Variants in EGFR observed in about 807,000 individuals in gnomAD.
EGFR encodes avian erythroblastic leukemia viral (v-erb-b) oncogene homolog.
A neutral mutation model predicts 143.0 loss-of-function variants in EGFR; 58 were observed. The observed-to-expected ratio is 0.41, with a 90% CI of 0.33 to 0.50. The LOEUF is 0.50. Ranked by LOEUF, EGFR falls within the 20% of genes least tolerant of loss-of-function variation. The probability of loss-of-function intolerance (pLI) is 0.39; values close to 1 mark genes in which losing one functional copy is unlikely to be tolerated. For synonymous variants in EGFR, 613 were observed against 594.4 expected, an observed-to-expected ratio of 1.03 and a Z score of -0.45; for missense variants, 1,307 against 1,579.0, an observed-to-expected ratio of 0.83 and a Z score of 2.92.
intron 1 of EGFR, among the ~76,000 whole-genome samples, chr7:55,052,932 G>A (rs747480780): frequency 3.3e-5 from 5 of 152,082 alleles, no homozygotes; most frequent in Non-Finnish European, 5.9e-5. Context: ...CGACTCTCTC[G>A]TGATCTCAGA....
At chr7:55,066,488 C>A (rs967776341) in intron 1 of EGFR, among the ~76,000 whole-genome samples, 1 of 152,212 alleles carries the variant, frequency 6.6e-6, no homozygotes, top group Admixed American at 6.5e-5. Flanking sequence ...ACAAGTAAAT[C>A]AAATATAAAA....
chr7:55,078,064 G>C (rs1387573416), intron 1 of EGFR, among the ~76,000 whole-genome samples: 1 of 152,144 alleles, frequency 6.6e-6, no homozygotes, highest in Non-Finnish European at 1.5e-5. Context: ...TAACGTGCGC[G>C]AGTCAAAGGG....
At chr7:55,131,325 G>A (rs1453949546) in intron 1 of EGFR, among the ~76,000 whole-genome samples, 1 of 150,248 alleles carries the variant, frequency 6.7e-6, no homozygotes, top group African/African-American at 2.5e-5. Context: ...TTTATGACAT[G>A]AACATAAACT....
At chr7:55,176,471 G>A (rs1786594532) in intron 19 of EGFR, among the ~76,000 whole-genome samples, 1 of 152,186 alleles carries the variant, frequency 6.6e-6, no homozygotes, top group Non-Finnish European at 1.5e-5. Flanking sequence ...TGTAATCCCA[G>A]CACTTTGGGA....
At chr7:55,029,317 G>T (rs1787118972) in intron 1 of EGFR, among the ~76,000 whole-genome samples, 1 of 152,142 alleles carries the variant, frequency 6.6e-6, no homozygotes, top group South Asian at 2.1e-4. Flanking sequence ...TATCCTTATA[G>T]ATGTTTCTTG....
At chr7:55,063,767 A>C (rs1280350985) in intron 1 of EGFR, among the ~76,000 whole-genome samples, 2 of 152,236 alleles carry the variant, frequency 1.3e-5, no homozygotes, top group African/African-American at 2.4e-5. Context: ...TATGCTGTTC[A>C]GAAAGGAGGC....
intron 15 of EGFR, chr7:55,170,291 G>A (rs2128950389): frequency 6.2e-7 from 1 of 1,614,102 alleles, no homozygotes; most frequent in East Asian, 2.2e-5. Context: ...AAATGTACTT[G>A]TCCATCTTTC....
At chr7:55,204,272 C>CACAT (rs1390065998) in intron 27 of EGFR, among the ~76,000 whole-genome samples, 1 of 142,448 alleles carries the variant, frequency 7.0e-6, no homozygotes, top group South Asian at 2.3e-4. Context: ...ACACACACCA[C>CACAT]ACATACATAC....
intron 1 of EGFR, among the ~76,000 whole-genome samples, chr7:55,042,696 A>T (rs1787963845): frequency 2.0e-5 from 3 of 152,142 alleles, no homozygotes; most frequent in Admixed American, 2.0e-4. Context: ...ACCAGAAGAC[A>T]TAACATATAG....
chr7:55,039,190 A>G (rs940485373), intron 1 of EGFR, among the ~76,000 whole-genome samples: 11 of 152,230 alleles, frequency 7.2e-5, no homozygotes, highest in African/African-American at 2.7e-4. Flanking sequence ...AGCTCAGAAG[A>G]GCAAATCAGT....
At chr7:55,111,705 G>A (rs1005858904) in intron 1 of EGFR, among the ~76,000 whole-genome samples, 3 of 152,140 alleles carry the variant, frequency 2.0e-5, no homozygotes, top group African/African-American at 7.2e-5. Flanking sequence ...CCTGAGGAGT[G>A]TTTGGATGTT....
chr7:55,145,568 C>T (rs938387354), intron 3 of EGFR, among the ~76,000 whole-genome samples: 3 of 152,180 alleles, frequency 2.0e-5, no homozygotes, highest in Admixed American at 6.5e-5. Context: ...GCTCATTTTC[C>T]TAGCAGCCTC....
intron 22 of EGFR, 120 bp from the exon 23 acceptor site, chr7:55,198,597 C>T: frequency 2.0e-6 from 3 of 1,506,088 alleles, no homozygotes; most frequent in Non-Finnish European, 2.7e-6. Flanking sequence ...TTGCCCAAGA[C>T]TACAGAAATG....
intron 1 of EGFR, among the ~76,000 whole-genome samples, chr7:55,127,764 C>T (rs1388007595): frequency 6.6e-6 from 1 of 152,168 alleles, no homozygotes; most frequent in Non-Finnish European, 1.5e-5. Context: ...CAGTTTTTCC[C>T]TTCTCTGGTT....
At chr7:55,145,404 G>A (rs1486993112) in intron 3 of EGFR, among the ~76,000 whole-genome samples, 1 of 152,174 alleles carries the variant, frequency 6.6e-6, no homozygotes, top group Admixed American at 6.5e-5. Flanking sequence ...CAGCCCTTAT[G>A]ACCCCAAGCT....
intron 1 of EGFR, among the ~76,000 whole-genome samples, chr7:55,093,558 C>A (rs1791263378): frequency 6.6e-6 from 1 of 152,184 alleles, no homozygotes; most frequent in Admixed American, 6.5e-5. Context: ...CCGTGATGCG[C>A]CTCAGCCCTA....
intron 15 of EGFR, chr7:55,170,623 G>T (rs779270612): frequency 6.2e-7 from 1 of 1,603,270 alleles, no homozygotes; most frequent in Non-Finnish European, 8.5e-7. Flanking sequence ...GTTCCCAAGA[G>T]TATCCTACCC....
intron 2 of EGFR, 75 bp from the exon 3 acceptor site, chr7:55,143,230 C>G: frequency 6.4e-7 from 1 of 1,568,716 alleles, no homozygotes; most frequent in Non-Finnish European, 8.8e-7. Context: ...CCTAGGGCTC[C>G]CTGGACCCAT....
At chr7:55,025,020 A>G (rs1786800867) in intron 1 of EGFR, among the ~76,000 whole-genome samples, 1 of 152,240 alleles carries the variant, frequency 6.6e-6, no homozygotes, top group Non-Finnish European at 1.5e-5. Flanking sequence ...TTACACAAGC[A>G]GTGCCAATAG....
Sources: gnomAD v4.1 joint callset for allele counts (sites outside exome capture counted in the v4.1 genomes callset) on GRCh38, gnomAD v4.1.1 for gene constraint, MANE v1.5 for transcripts, NCBI Gene and HGNC (gene_info 2026-07-23, HGNC 2026-07-21) for gene names.